NNT: variants seen among roughly 807,000 people sequenced by gnomAD.
The protein encoded by NNT is nicotinamide nucleotide transhydrogenase.
Under a neutral mutation model 104.8 loss-of-function variants are expected in NNT, and 50 were observed. That is an observed-to-expected ratio of 0.48 (90% CI 0.38 to 0.60). The LOEUF (loss-of-function observed/expected upper bound fraction) is 0.60, where lower values mean the gene tolerates loss of function less well. NNT is among the 20% of genes least tolerant of loss of function. The pLI is 0.00. For missense variants in NNT, 1,131 were observed against 1,330.7 expected (o/e 0.85, Z 2.33); for synonymous variants, 461 against 490.4 (o/e 0.94, Z 0.79).
At chr5:43,626,730 T>C (rs1750384060) in intron 6 of NNT, among the ~76,000 whole-genome samples, 1 of 151,120 alleles carries the variant, frequency 6.6e-6, no homozygotes, top group Admixed American at 6.6e-5. Context: ...TAATTTCTTA[T>C]AGAAATTATA....
intron 7 of NNT, among the ~76,000 whole-genome samples, chr5:43,640,803 T>A (rs903112644): frequency 3.3e-5 from 5 of 150,822 alleles, no homozygotes; most frequent in Admixed American, 6.6e-5. Context: ...AATATATACA[T>A]TTTTCATATA....
chr5:43,635,038 G>A (rs1280063092), intron 7 of NNT, among the ~76,000 whole-genome samples: 3 of 152,174 alleles, frequency 2.0e-5, no homozygotes, highest in African/African-American at 4.8e-5. Flanking sequence ...AGCACAAATA[G>A]CGTTACTGCT....
intron 7 of NNT, among the ~76,000 whole-genome samples, chr5:43,639,616 C>T (rs1355764157): frequency 6.6e-6 from 1 of 152,080 alleles, no homozygotes; most frequent in Non-Finnish European, 1.5e-5. Flanking sequence ...TTCCTCCATC[C>T]ACCCTGCATA....
At chr5:43,675,704 A>G (rs1580095964) in intron 18 of NNT, 34 bp downstream of exon 18, 1 of 1,471,046 alleles carries the variant, frequency 6.8e-7, no homozygotes, top group Non-Finnish European at 9.1e-7. Context: ...ATAACCTATA[A>G]TAGCTGTTAT....
chr5:43,645,825 C>T (rs1485580793), intron 10 of NNT, among the ~76,000 whole-genome samples: 1 of 148,760 alleles, frequency 6.7e-6, no homozygotes, highest in African/African-American at 2.5e-5. Flanking sequence ...TGCCATTCTC[C>T]TGCCTCAGCC....
intron 17 of NNT, among the ~76,000 whole-genome samples, chr5:43,668,962 C>G (rs34418470): frequency 0.078 from 11,901 of 151,934 alleles, 649 homozygotes; most frequent in East Asian, 0.2. Flanking sequence ...TCGTTGAGCA[C>G]TGGTTTGTAG....
intron 7 of NNT, among the ~76,000 whole-genome samples, chr5:43,639,428 C>T (rs140124221): frequency 6.6e-6 from 1 of 152,106 alleles, no homozygotes; most frequent in Non-Finnish European, 1.5e-5. Flanking sequence ...TTACACTAAC[C>T]TGTGGTACAC....
intron 19 of NNT, among the ~76,000 whole-genome samples, chr5:43,691,005 G>T (rs1050692391): frequency 5.9e-5 from 9 of 151,620 alleles, no homozygotes; most frequent in African/African-American, 2.2e-4. Context: ...CATTTTCTGT[G>T]GTTTATTTGA....
intron 11 of NNT, among the ~76,000 whole-genome samples, chr5:43,650,219 T>C (rs1251903308): frequency 6.6e-6 from 1 of 152,234 alleles, no homozygotes; most frequent in African/African-American, 2.4e-5. Context: ...CCAATTCCAA[T>C]GCAGAAGGAG....
chr5:43,684,217 ATT>A (rs34939917), intron 19 of NNT, among the ~76,000 whole-genome samples: 5,559 of 143,976 alleles, frequency 0.039, 189 homozygotes, highest in East Asian at 0.2. Context: ...TTCTTTCATA[ATT>A]TTTTTTTTTT....
intron 19 of NNT, among the ~76,000 whole-genome samples, chr5:43,695,692 G>C (rs185614856): frequency 3.7e-4 from 56 of 152,280 alleles, no homozygotes; most frequent in African/African-American, 1.1e-3. Flanking sequence ...AAAGACTTAC[G>C]TGAGATTGGG....
Position 43,612,881 on chromosome 5 carries a change from A to C in NNT, c.152-27A>C. 3.7e-6 allele frequency: 5 copies of C among 1,348,610 alleles called. No homozygotes were observed. The South Asian group carries it at 6.8e-5, about 18-fold the overall frequency. The allele number at this position is 1,348,610 out of a possible 1,614,324, so 83.5% of individuals were successfully genotyped here. ...TTGTTTGTTTTTTTACCAAATATATATTTTTTTTGCCTTTGCTTGTTTCTA... is the reference window on the plus strand; with the variant it reads ...TTGTTTGTTTTTTTACCAAATATATCTTTTTTTTGCCTTTGCTTGTTTCTA... On this transcript the variant is annotated intron_variant, in intron 2 of 21. Coordinates refer to ENST00000344920, the MANE Select transcript of NNT (RefSeq NM_182977.3).
chr5:43,689,332 G>A (rs367735157), intron 19 of NNT, among the ~76,000 whole-genome samples: 3 of 152,124 alleles, frequency 2.0e-5, no homozygotes, highest in Non-Finnish European at 4.4e-5. Context: ...CCACTCTGTG[G>A]GTTGTCTGTG....
chr5:43,669,873 T>G (rs1214842563), intron 17 of NNT, among the ~76,000 whole-genome samples: 8 of 152,202 alleles, frequency 5.3e-5, no homozygotes, highest in African/African-American at 1.9e-4. Flanking sequence ...CTCCTTCTTG[T>G]ACCTCTGGTA....
intron 18 of NNT, 79 bp from the exon 19 acceptor site, chr5:43,677,646 T>A: frequency 7.8e-7 from 1 of 1,277,848 alleles, no homozygotes. Flanking sequence ...AACATGTGTT[T>A]TCATCAAGAG....
chr5:43,683,661 T>G (rs1224887808), intron 19 of NNT, among the ~76,000 whole-genome samples: 1 of 152,242 alleles, frequency 6.6e-6, no homozygotes, highest in East Asian at 1.9e-4. Context: ...TTCATTTTAT[T>G]GAGCTCATTA....
chr5:43,615,120 G>C (rs1443241773), intron 3 of NNT, among the ~76,000 whole-genome samples: 1 of 151,522 alleles, frequency 6.6e-6, no homozygotes, highest in Non-Finnish European at 1.5e-5. Flanking sequence ...GTCCGGCCTG[G>C]GCGACAGAGC....
rs950943408 is a variant in NNT at position 43,633,513 on chromosome 5, C to T, written c.964+5126C>T. On this transcript the variant is annotated intron_variant, in intron 7 of 21. Transcript: ENST00000344920. ...ACATCCTCCATAGTTTCTATTGCCT[C>T]CTGCTCAGCAGTAGTGTTCTTTTTT... 6.6e-5 allele frequency among the ~76,000 whole-genome samples: 10 copies of T among 152,190 alleles called. 1 individual carries two copies. Among genetic ancestry groups the T allele is most frequent in the Admixed American group, 5.2e-4 (8 of 15,268 alleles).
rs368208504 is a variant in NNT at position 43,667,229 on chromosome 5, C to A, written c.2634+7879C>A. The A allele has an allele frequency of 7.6e-6, 8 of 1,056,122 alleles. No homozygotes were observed. In the East Asian group the frequency reaches 1.9e-4, roughly 25 times the overall value. The allele number at this position is 1,056,122 out of a possible 1,614,324, so 65.4% of individuals were successfully genotyped here. On this transcript the variant is annotated intron_variant, in intron 17 of 21. Coordinates refer to ENST00000344920, the MANE Select transcript of NNT (RefSeq NM_182977.3). ...TGTGTAGTGTGGTTCTTGGACTTGGCCATGTCTGCACCTTAAGCTGCCGGT... is the reference window on the plus strand; with the variant it reads ...TGTGTAGTGTGGTTCTTGGACTTGGACATGTCTGCACCTTAAGCTGCCGGT...
Sources: allele counts gnomAD v4.1 joint callset (sites outside exome capture counted in the v4.1 genomes callset), GRCh38; gene constraint gnomAD v4.1.1; transcripts MANE v1.5; gene names NCBI Gene and HGNC (gene_info 2026-07-23, HGNC 2026-07-21).